The following EEF1E1 variants were observed in gnomAD, a reference collection of about 807,000 sequenced individuals.
EEF1E1 encodes the protein eukaryotic translation elongation factor 1 epsilon-1.
In EEF1E1, 19 loss-of-function variants were observed where a neutral mutation model predicts 19.9. The ratio of observed to expected loss-of-function variants is 0.95; its 90% CI spans 0.66 to 1.40. EEF1E1 has a LOEUF of 1.40. EEF1E1 is among the 40% of genes most tolerant of loss of function. The pLI is 0.00. For synonymous variants in EEF1E1, 81 were observed against 80.0 expected, an observed-to-expected ratio of 1.01 and a Z score of -0.07; for missense variants, 198 against 202.2, an observed-to-expected ratio of 0.98 and a Z score of 0.13.
At chr6:8,078,324 G>A (rs1757646839), downstream of EEF1E1, among the ~76,000 whole-genome samples, 1 of 150,192 alleles carries the variant, frequency 6.7e-6, no homozygotes, top group African/African-American at 2.4e-5. Flanking sequence ...GGAAAGAAGG[G>A]GAACGGCTGG....
chr6:8,078,621 G>A (rs772061288), downstream of EEF1E1: 5 of 1,167,590 alleles, frequency 4.3e-6, no homozygotes, highest in Non-Finnish European at 5.4e-6. Flanking sequence ...GCAGTAAAAT[G>A]AGGCATGCCT....
rs1460310709 is a variant in EEF1E1, at chr6:8,090,207, G to C, written c.363C>G (p.Tyr121Ter). The change falls in exon 3 of 4, where the codon TAC becomes TAG. Residue 121 changes from tyrosine (Y) to a stop codon, truncating the protein, a stop_gained. Coordinates refer to ENST00000379715, the MANE Select transcript of EEF1E1 (RefSeq NM_004280.5). LOFTEE classifies it high-confidence loss of function. ...YNFTLADILL[Y>*]YGLHRFIVDL... ...TCACTATAAAGCGATGAAGTCCATA[G>C]TACAATAGTATATCTGCTAATGTAA... The C allele has an allele frequency of 6.5e-7, 1 of 1,530,518 alleles. No individual in the cohort carries two copies. 94.8% of individuals were successfully genotyped at this position (1,530,518 alleles called of 1,614,324 possible). A position where few individuals can be genotyped will look rare whatever the true frequency, so the allele number is the denominator to read the frequency against.
At chr6:8,096,391 T>C (rs1758175240) in intron 2 of EEF1E1, among the ~76,000 whole-genome samples, 1 of 152,194 alleles carries the variant, frequency 6.6e-6, no homozygotes, top group African/African-American at 2.4e-5. Flanking sequence ...GTATTAAGAA[T>C]AAATGGTTGA....
downstream of EEF1E1, chr6:8,078,621 G>C (rs772061288): frequency 2.6e-6 from 3 of 1,167,474 alleles, no homozygotes; most frequent in Non-Finnish European, 3.2e-6. Flanking sequence ...GCAGTAAAAT[G>C]AGGCATGCCT....
rs368289951 is a variant in EEF1E1 at position 8,095,101 on chromosome 6, G to C, written c.288+2166C>G. On this transcript the variant is annotated intron_variant, in intron 2 of 3. Transcript: ENST00000379715. ...GGTGTCATTGCCCTGCACTGTTTAA[G>C]GGTCAACTATATATGATGCAACGCT... Among the ~76,000 whole-genome samples, 129 of 152,232 alleles carry C rather than the reference G, an allele frequency of 8.5e-4. 2 individuals carry two copies. Among genetic ancestry groups the C allele is most frequent in the African/African-American group, 2.9e-3 (120 of 41,538 alleles).
At chr6:8,077,068 C>T (rs573496365), downstream of EEF1E1, among the ~76,000 whole-genome samples, 1 of 151,542 alleles carries the variant, frequency 6.6e-6, no homozygotes, top group Non-Finnish European at 1.5e-5. Flanking sequence ...CTCAGCTTCC[C>T]GAGTAGCTGG....
chr6:8,080,900 C>T (rs1757707599), intron 3 of EEF1E1, among the ~76,000 whole-genome samples: 1 of 152,164 alleles, frequency 6.6e-6, no homozygotes, highest in Admixed American at 6.5e-5. Context: ...TACAAACCCC[C>T]CAGCAGCCTG....
intron 3 of EEF1E1, 132 bp downstream of exon 3, chr6:8,090,054 C>T (rs926460442): frequency 1.7e-6 from 1 of 605,500 alleles, no homozygotes; most frequent in African/African-American, 1.9e-5. Flanking sequence ...CAAAAGGCAC[C>T]TTGTATAAAG....
chr6:8,079,914 G>A lies in EEF1E1; in HGVS notation c.501C>T (p.Asn167=). The change falls in exon 4 of 4, where the codon AAC becomes AAT. Residue 167 remains asparagine, a synonymous_variant. Transcript: ENST00000379715. ...TCTAGTGGGAATTAGTATATAGTCT[G>A]TTCTTGATGAAGACAACACTAGACA... ...QHLSSVVFIK[N]RLYTNSH is the part of the protein sequence containing the mutation. 6.2e-7 allele frequency: 1 copy of A among 1,612,604 alleles called. No individual in the cohort carries two copies. Among genetic ancestry groups the A allele is most frequent in the Admixed American group, 1.7e-5 (1 of 60,022 alleles).
chr6:8,099,791 C>CAA (rs3031799), intron 1 of EEF1E1, among the ~76,000 whole-genome samples: 6,551 of 114,310 alleles, frequency 0.057, 465 homozygotes, highest in Non-Finnish European at 0.083. Flanking sequence ...CACACACACA[C>CAA]AAAAAAAAAA....
intron 1 of EEF1E1, among the ~76,000 whole-genome samples, chr6:8,098,898 C>T (rs997939342): frequency 6.6e-6 from 1 of 152,194 alleles, no homozygotes; most frequent in Non-Finnish European, 1.5e-5. Flanking sequence ...AAATTATCCA[C>T]AACCCAAGCA....
rs3031799 is a variant in EEF1E1 at position 8,099,791 on chromosome 6, CAA to C, written c.88-2326_88-2325del. Among the ~76,000 whole-genome samples the C allele has an allele frequency of 8.1e-3, 929 of 114,672 alleles. 33 individuals are homozygous for C. The highest frequency in any genetic ancestry group is 0.027 in the African/African-American group (813 of 30,136). 75.2% of individuals were successfully genotyped at this position (114,672 alleles called of 152,430 possible). A position where few individuals can be genotyped will look rare whatever the true frequency, so the allele number is the denominator to read the frequency against. On this transcript the variant is annotated intron_variant, in intron 1 of 3. Coordinates refer to ENST00000379715, the MANE Select transcript of EEF1E1 (RefSeq NM_004280.5). ...ACACACACACACACACACACACACA[CAA>C]AAAAAAAACAGAACCCTCTATAATG... is the stretch of plus-strand genomic sequence containing the variant.
chr6:8,094,416 C>T (rs559621210), intron 2 of EEF1E1, among the ~76,000 whole-genome samples: 1 of 151,512 alleles, frequency 6.6e-6, no homozygotes, highest in South Asian at 2.1e-4. Context: ...GGCCAACATG[C>T]TGAAACCCCA....
chr6:8,073,615 A>C, intron 3 of EEF1E1: 1 of 1,438,078 alleles, frequency 7.0e-7, no homozygotes. Flanking sequence ...GTTGTTATTA[A>C]AAGTTTTAAC....
chr6:8,086,020 A>G (rs1046635661), intron 3 of EEF1E1, among the ~76,000 whole-genome samples: 1 of 152,180 alleles, frequency 6.6e-6, no homozygotes, highest in African/African-American at 2.4e-5. Context: ...CTCTCAATAA[A>G]TCATTTAAAA....
intron 2 of EEF1E1, chr6:8,095,436 G>C (rs1369199084): frequency 2.8e-6 from 1 of 356,188 alleles, no homozygotes; most frequent in South Asian, 1.9e-5. Flanking sequence ...CCAGGAGGCG[G>C]AGGTTGCAGT....
Position 8,102,470 on chromosome 6 carries a change from T to C in EEF1E1, c.52A>G (p.Lys18Glu), listed in dbSNP as rs1480078880. 1 of 1,612,646 alleles carries C rather than the reference T, an allele frequency of 6.2e-7. No homozygotes were observed. The change falls in exon 1 of 4, where the codon AAG (lysine) becomes GAG (glutamate). Residue 18 changes from lysine to glutamate, a missense_variant. Physicochemically the swap from Lys to Glu is moderately conservative, Grantham distance 56. Coordinates refer to ENST00000379715, the MANE Select transcript of EEF1E1 (RefSeq NM_004280.5). ...SLLEKSLGLS[K>E]GNKYSAQGER... ...CCCTGAGCACTGTATTTATTCCCCT[T>C]ACTCAGTCCCAGGGACTTCTCCAGT...
downstream of EEF1E1, among the ~76,000 whole-genome samples, chr6:8,075,732 C>T (rs934948147): frequency 1.3e-5 from 2 of 151,660 alleles, no homozygotes; most frequent in African/African-American, 2.4e-5. Flanking sequence ...AAGTTTGCCA[C>T]ATTAATCGAC....
At chr6:8,098,839 C>A (rs1353023341) in intron 1 of EEF1E1, among the ~76,000 whole-genome samples, 2 of 152,170 alleles carry the variant, frequency 1.3e-5, no homozygotes, top group Admixed American at 6.5e-5. Flanking sequence ...CTCACAACTG[C>A]TGGGCGGAGG....
Sources: gnomAD v4.1 joint callset for allele counts (sites outside exome capture counted in the v4.1 genomes callset) on GRCh38, gnomAD v4.1.1 for gene constraint, MANE v1.5 for transcripts, NCBI Gene and HGNC (gene_info 2026-07-23, HGNC 2026-07-21) for gene names.